Variants in C13orf42 observed in about 807,000 individuals in gnomAD.
The protein encoded by C13orf42 is uncharacterized protein C13orf42.
At chr13:51,088,981 A>G (rs1387739816) in intron 1 of C13orf42, among the ~76,000 whole-genome samples, 3 of 152,208 alleles carry the variant, frequency 2.0e-5, no homozygotes, top group Non-Finnish European at 2.9e-5. Context: ...GAACTGACCA[A>G]ATCAATACGT....
intron 1 of C13orf42, among the ~76,000 whole-genome samples, chr13:51,131,123 G>A (rs949253916): frequency 2.0e-5 from 3 of 152,096 alleles, no homozygotes; most frequent in African/African-American, 2.4e-5. Flanking sequence ...CCTTTGTTTT[G>A]TTTTTCAAAG....
chr13:51,121,549 T>G (rs1258183429), intron 1 of C13orf42, among the ~76,000 whole-genome samples: 4 of 151,436 alleles, frequency 2.6e-5, no homozygotes, highest in Non-Finnish European at 5.9e-5. Flanking sequence ...TTTTTTTTTT[T>G]TTTTGAGACA....
chr13:51,115,613 TC>T (rs1306077867), upstream of C13orf42, among the ~76,000 whole-genome samples: 1 of 151,896 alleles, frequency 6.6e-6, no homozygotes, highest in East Asian at 1.9e-4. Flanking sequence ...CCTCGACCAC[TC>T]CCCTGACAGG....
intron 1 of C13orf42, among the ~76,000 whole-genome samples, chr13:51,091,966 G>A (rs946515367): frequency 1.3e-5 from 2 of 152,130 alleles, no homozygotes; most frequent in Non-Finnish European, 2.9e-5. Context: ...AGCACACAGA[G>A]AGGCCCAGGT....
At chr13:51,089,698 T>C (rs745740095) in intron 1 of C13orf42, among the ~76,000 whole-genome samples, 8 of 151,914 alleles carry the variant, frequency 5.3e-5, no homozygotes, top group Non-Finnish European at 8.8e-5. Context: ...CAGTGTCTCC[T>C]GGTGCTTCTG....
Position 51,135,484 on chromosome 13 carries a change from A to AT in C13orf42, n.137-22263dup, listed in dbSNP as rs1190123168. ...TGGGCAACACAGAGAGATCCCATCT[A>AT]TTTTTTTTAATGTTTTTAATTGACC... On this transcript the variant is annotated intron_variant and non_coding_transcript_variant, in intron 1 of 4. Coordinates refer to the C13orf42 transcript ENST00000433280. Among the ~76,000 whole-genome samples the AT allele has an allele frequency of 2.6e-5, 4 of 151,250 alleles. No individual in the cohort carries two copies. In the East Asian group the frequency reaches 5.8e-4, roughly 22 times the overall value.
intron 1 of C13orf42, among the ~76,000 whole-genome samples, chr13:51,100,760 G>A (rs1953281841): frequency 6.6e-6 from 1 of 152,094 alleles, no homozygotes; most frequent in South Asian, 2.1e-4. Context: ...AAAGTAATAC[G>A]TAAAAGAATC....
Position 51,091,581 on chromosome 13 carries a change from A to T in C13orf42, c.415-3506T>A, listed in dbSNP as rs187083630. On this transcript the variant is annotated intron_variant, in intron 1 of 3. Coordinates refer to ENST00000563710, the MANE Select transcript of C13orf42 (RefSeq NM_001351589.3). ...GGGTGACTCTGTAACAGTGGTACCTAATCCCAGTGGTTGTTAGACTCTCCT... is the reference window on the plus strand; with the variant it reads ...GGGTGACTCTGTAACAGTGGTACCTTATCCCAGTGGTTGTTAGACTCTCCT... 3.7e-3 allele frequency among the ~76,000 whole-genome samples: 565 copies of T among 152,274 alleles called. 4 individuals are homozygous for T. Among genetic ancestry groups the T allele is most frequent in the African/African-American group, 0.013 (537 of 41,546 alleles).
At chr13:51,123,767 A>C (rs917845097) in intron 1 of C13orf42, among the ~76,000 whole-genome samples, 5 of 152,218 alleles carry the variant, frequency 3.3e-5, no homozygotes, top group African/African-American at 1.2e-4. Flanking sequence ...ACCTTTGCAA[A>C]ACTATAACTG....
intron 1 of C13orf42, among the ~76,000 whole-genome samples, chr13:51,156,791 G>A (rs1315602219): frequency 6.6e-6 from 1 of 152,050 alleles, no homozygotes; most frequent in Non-Finnish European, 1.5e-5. Flanking sequence ...TGGGCATCTG[G>A]TGATGGGGTG....
At chr13:51,153,630 C>CTTTTTTTTTTTTTT (rs1206289963) in intron 1 of C13orf42, among the ~76,000 whole-genome samples, 95 of 81,242 alleles carry the variant, frequency 1.2e-3, no homozygotes, top group African/African-American at 1.8e-3. Context: ...TGTTTTTTTT[C>CTTTTTTTTTTTTTT]TTTTTTTTTT....
chr13:51,147,126 C>T (rs1235511811), intron 1 of C13orf42, among the ~76,000 whole-genome samples: 1 of 152,222 alleles, frequency 6.6e-6, no homozygotes, highest in Non-Finnish European at 1.5e-5. Flanking sequence ...ACCATGTGTC[C>T]CCCTCCCAGG....
intron 1 of C13orf42, among the ~76,000 whole-genome samples, chr13:51,167,078 C>CAAA (rs151262051): frequency 4.1e-5 from 6 of 145,004 alleles, no homozygotes; most frequent in African/African-American, 1.5e-4. Context: ...GACCCCATCT[C>CAAA]AAAAAAAAAA....
chr13:51,159,313 T>C (rs898437386), intron 1 of C13orf42, among the ~76,000 whole-genome samples: 2 of 152,176 alleles, frequency 1.3e-5, no homozygotes, highest in African/African-American at 4.8e-5. Context: ...ACACTTGTTT[T>C]CAATGACAGT....
At chr13:51,163,122 A>G (rs1593558721) in intron 1 of C13orf42, among the ~76,000 whole-genome samples, 1 of 152,154 alleles carries the variant, frequency 6.6e-6, no homozygotes, top group Admixed American at 6.5e-5. Flanking sequence ...AGGTTGAGGA[A>G]ACCTCAGCTG....
At chr13:51,167,601 C>A (rs1237364907) in intron 1 of C13orf42, among the ~76,000 whole-genome samples, 2 of 152,126 alleles carry the variant, frequency 1.3e-5, no homozygotes, top group Non-Finnish European at 2.9e-5. Context: ...GGGAGAAATA[C>A]CCTTGCTCAC....
chr13:51,162,855 G>C (rs1953877007), intron 1 of C13orf42, among the ~76,000 whole-genome samples: 1 of 152,122 alleles, frequency 6.6e-6, no homozygotes, highest in African/African-American at 2.4e-5. Flanking sequence ...CTCTCCTCTT[G>C]GGTAGATCCC....
rs1953429908 is a variant in C13orf42 at position 51,111,249 on chromosome 13, G to GTGC, written c.-43_-41dup. On this transcript the variant is annotated 5_prime_UTR_variant, in exon 1 of 4. Coordinates refer to ENST00000563710, the MANE Select transcript of C13orf42 (RefSeq NM_001351589.3). ...TTCTGTGGGTACCTTCCAGCTGCCT[G>GTGC]TGCTGCCGCCACTTGATCTAGATGC... The GTGC allele has an allele frequency of 2.5e-6, 1 of 398,426 alleles. No homozygotes were observed. Among genetic ancestry groups the GTGC allele is most frequent in the African/African-American group, 2.1e-5 (1 of 48,616 alleles). 24.7% of individuals were successfully genotyped at this position (398,426 alleles called of 1,614,324 possible). A position where few individuals can be genotyped will look rare whatever the true frequency, so the allele number is the denominator to read the frequency against.
intron 1 of C13orf42, among the ~76,000 whole-genome samples, chr13:51,137,125 C>A (rs1284836254): frequency 6.6e-6 from 1 of 152,014 alleles, no homozygotes. Context: ...TCTTTGTTAT[C>A]CTGAAAACTA....
Sources: gnomAD v4.1 joint callset for allele counts (sites outside exome capture counted in the v4.1 genomes callset) on GRCh38, gnomAD v4.1.1 for gene constraint, MANE v1.5 for transcripts, NCBI Gene and HGNC (gene_info 2026-07-23, HGNC 2026-07-21) for gene names.